Variants in LRRC56 observed in about 807,000 individuals in gnomAD.
LRRC56 encodes the protein leucine rich repeat containing 56, also known as leucine-rich repeat-containing protein 56.
Under a neutral mutation model 47.8 loss-of-function variants are expected in LRRC56, and 41 were observed. The ratio of observed to expected loss-of-function variants is 0.86; its 90% CI spans 0.67 to 1.11. The LOEUF (loss-of-function observed/expected upper bound fraction) is 1.11, where lower values mean the gene tolerates loss of function less well. LRRC56 is among the 50% of genes most tolerant of loss of function. The probability of loss-of-function intolerance (pLI) is 0.00; values close to 1 mark genes in which losing one functional copy is unlikely to be tolerated. For missense variants in LRRC56, 759 were observed against 704.2 expected (o/e 1.08, Z -0.88); for synonymous variants, 387 against 311.2 (o/e 1.24, Z -2.56).
At position 544,741 on chromosome 11, in the gene LRRC56, A is replaced by T; in HGVS notation, c.287A>T (p.Asp96Val). Residue 96 changes from aspartate (D) to valine (V), a missense_variant, in exon 6 of 14, where the codon GAC becomes GTC. Asp to Val is a radical substitution (Grantham distance 152, BLOSUM62 -3). Coordinates refer to ENST00000270115, the MANE Select transcript of LRRC56 (RefSeq NM_198075.4). Reference protein sequence around the residue: ...GNFGVHLPNLDQLKLNGSHLG... With the variant: ...GNFGVHLPNLVQLKLNGSHLG... ...ACAGGGGTGCACCTGCCCAACCTGG[A>T]CCAACTGAAGCTGAACGGCAGCCAC... 1 of 1,612,376 alleles carries T rather than the reference A, an allele frequency of 6.2e-7. No homozygotes were observed. The highest frequency in any genetic ancestry group is 1.1e-5 in the South Asian group (1 of 91,064).
At chr11:518,816 G>A in the LRRC56 span, among the ~76,000 whole-genome samples, 27 of 152,060 alleles carry the variant, frequency 1.8e-4, no homozygotes, top group Admixed American at 2.6e-4. Flanking sequence ...GATGTGGCCG[G>A]CGGCGCGCGA....
the LRRC56 span, among the ~76,000 whole-genome samples, chr11:518,569 C>A: frequency 6.6e-6 from 1 of 152,022 alleles, no homozygotes; most frequent in Non-Finnish European, 1.5e-5. Flanking sequence ...GTGATCCGGC[C>A]GCCTCCGCCT....
chr11:525,897 CA>C, the LRRC56 span, among the ~76,000 whole-genome samples: 1 of 149,830 alleles, frequency 6.7e-6, no homozygotes, highest in Non-Finnish European at 1.5e-5. Context: ...ACCCTGTCTC[CA>C]ACAAATAAAT....
chr11:546,139 A>T (rs189194517), intron 6 of LRRC56, among the ~76,000 whole-genome samples: 71 of 152,252 alleles, frequency 4.7e-4, no homozygotes, highest in African/African-American at 1.7e-3. Flanking sequence ...GCATGGTGGC[A>T]CATGCCTGTA....
rs1241632650 is a variant in LRRC56, at chr11:544,797, G to A, written c.326+17G>A. The A allele has an allele frequency of 1.9e-6, 3 of 1,611,102 alleles. No homozygotes were observed. The highest frequency in any genetic ancestry group is 2.5e-6 in the Non-Finnish European group (3 of 1,179,314). ...CTCCCTGAGGTGAGCGCCTGAGGGG[G>A]GTGGGCTGGGGCCCTGCCATGAGGG... On this transcript the variant is annotated intron_variant, in intron 6 of 13. Coordinates refer to ENST00000270115, the MANE Select transcript of LRRC56 (RefSeq NM_198075.4).
At chr11:540,423 C>T (rs1851733134) in intron 3 of LRRC56, among the ~76,000 whole-genome samples, 1 of 152,274 alleles carries the variant, frequency 6.6e-6, no homozygotes, top group South Asian at 2.1e-4. Context: ...GGGAGGGTGT[C>T]CTACGAAGCA....
upstream of LRRC56, among the ~76,000 whole-genome samples, chr11:536,210 G>C (rs942820229): frequency 1.3e-5 from 2 of 152,226 alleles, no homozygotes; most frequent in Non-Finnish European, 2.9e-5. Flanking sequence ...GGCCAGGCGT[G>C]AGAACGCCCC....
the LRRC56 span, among the ~76,000 whole-genome samples, chr11:514,195 T>C: frequency 6.6e-6 from 1 of 151,776 alleles, no homozygotes; most frequent in African/African-American, 2.4e-5. Context: ...GGTTTCACCA[T>C]GTTGGCCAGG....
At chr11:508,693 G>A in the LRRC56 span, among the ~76,000 whole-genome samples, 1 of 151,460 alleles carries the variant, frequency 6.6e-6, no homozygotes, top group Admixed American at 6.6e-5. Context: ...CTTGAACACG[G>A]GAAGCAGAGG....
At chr11:532,317 A>T in the LRRC56 span, 1 of 501,908 alleles carries the variant, frequency 2.0e-6, no homozygotes, top group Non-Finnish European at 3.6e-6. Flanking sequence ...AGGGGAGCTA[A>T]GGGCTGGGGT....
chr11:542,514 C>T (rs1215343807), intron 5 of LRRC56, among the ~76,000 whole-genome samples: 1 of 136,798 alleles, frequency 7.3e-6, no homozygotes, highest in Non-Finnish European at 1.5e-5. Context: ...GTGGGGAGGT[C>T]AAGCTGCAGT....
rs1266673820 is a variant in LRRC56, at chr11:552,156, C to T, written c.1105C>T (p.Pro369Ser). The T allele has an allele frequency of 2.5e-6, 4 of 1,612,646 alleles. No homozygotes were observed. Among genetic ancestry groups the T allele is most frequent in the Non-Finnish European group, 3.4e-6 (4 of 1,179,926 alleles). Residue 369 changes from proline to serine, a missense_variant, in exon 12 of 14, where the codon CCA becomes TCA. Pro to Ser is a moderately conservative substitution (Grantham distance 74). Transcript: ENST00000270115. Reference sequence around the variant, plus strand: ...AGATCCGGCCGCCAGCACTTCCACCCCAGAGCCTGACCCTGCAGACAGCTC... The same window carrying T: ...AGATCCGGCCGCCAGCACTTCCACCTCAGAGCCTGACCCTGCAGACAGCTC... ...PGDPAASTST[P>S]EPDPADSSDF...
chr11:509,384 G>A, the LRRC56 span, among the ~76,000 whole-genome samples: 1 of 152,202 alleles, frequency 6.6e-6, no homozygotes, highest in Non-Finnish European at 1.5e-5. Context: ...ATTCTCATAA[G>A]AGTGAAGAAA....
At chr11:551,497 G>A (rs1309537179) in intron 9 of LRRC56, among the ~76,000 whole-genome samples, 154 bp from the exon 10 acceptor site, 1 of 152,222 alleles carries the variant, frequency 6.6e-6, no homozygotes, top group Admixed American at 6.5e-5. Context: ...GGGAGAGGAA[G>A]GTCTGAAGAT....
chr11:548,070 G>A (rs1233514239), intron 6 of LRRC56, among the ~76,000 whole-genome samples: 4 of 151,932 alleles, frequency 2.6e-5, no homozygotes, highest in Non-Finnish European at 4.4e-5. Context: ...AGGTTGCAGT[G>A]AGCCAAGATC....
chr11:532,377 G>A, the LRRC56 span: 266 of 583,412 alleles, frequency 4.6e-4, no homozygotes, highest in Non-Finnish European at 6.8e-4. Flanking sequence ...GCCTCCCTGG[G>A]AGGGTCTGCA....
chr11:524,761 C>T, the LRRC56 span, among the ~76,000 whole-genome samples: 22 of 152,214 alleles, frequency 1.4e-4, no homozygotes, highest in African/African-American at 4.8e-4. Context: ...ATAACTTAGA[C>T]CTATGATCCA....
rs541231075 is a variant in LRRC56 at position 541,429 on chromosome 11, G to A, written c.178-108G>A. 6.3e-5 allele frequency: 36 copies of A among 573,322 alleles called. No individual in the cohort carries two copies. The highest frequency in any genetic ancestry group is 2.8e-4 in the Middle Eastern group (1 of 3,592). 35.5% of individuals were successfully genotyped at this position (573,322 alleles called of 1,614,324 possible). On this transcript the variant is annotated intron_variant, in intron 4 of 13. Coordinates refer to ENST00000270115, the MANE Select transcript of LRRC56 (RefSeq NM_198075.4). This position sits in a 1 kb window ranked among gnomAD's most constrained non-coding sequence, Gnocchi z 4.1. ...GCCAACATGGCCCAGGCAGGGAAAC[G>A]TCGGTGCCTGCTCCAGCGGGAGCCC...
intron 8 of LRRC56, among the ~76,000 whole-genome samples, chr11:550,515 T>C (rs569827091): frequency 6.6e-6 from 1 of 152,252 alleles, no homozygotes; most frequent in South Asian, 2.1e-4. Flanking sequence ...AACCCACATA[T>C]GCACCTGTGA....
Sources: allele counts gnomAD v4.1 joint callset (sites outside exome capture counted in the v4.1 genomes callset), GRCh38; gene constraint gnomAD v4.1.1; non-coding constraint Gnocchi (gnomAD v3.1); transcripts MANE v1.5; gene names NCBI Gene and HGNC (gene_info 2026-07-23, HGNC 2026-07-21).